Variants in KAZN observed in about 807,000 individuals in gnomAD.
KAZN encodes the protein kazrin.
A neutral mutation model predicts 87.4 loss-of-function variants in KAZN; 40 were observed. That is an observed-to-expected ratio of 0.46 (90% CI 0.36 to 0.60). The LOEUF is 0.60. Ranked by LOEUF, KAZN falls within the 20% of genes least tolerant of loss-of-function variation. KAZN has a pLI of 0.00. For synonymous variants in KAZN, 466 were observed against 458.3 expected, an observed-to-expected ratio of 1.02 and a Z score of -0.22; for missense variants, 898 against 1,073.9, an observed-to-expected ratio of 0.84 and a Z score of 2.29.
intron 1 of KAZN, among the ~76,000 whole-genome samples, chr1:14,652,734 A>C (rs1466987554): frequency 7.7e-6 from 1 of 129,058 alleles, no homozygotes; most frequent in Non-Finnish European, 1.6e-5. Context: ...CCCATCCGTT[A>C]ATCCATCCAT....
At chr1:14,202,235 C>T (rs556391516) in intron 2 of KAZN, among the ~76,000 whole-genome samples, 1 of 152,318 alleles carries the variant, frequency 6.6e-6, no homozygotes, top group Admixed American at 6.5e-5. Context: ...CACTATGTCC[C>T]TGGCTCTTCC....
At chr1:14,749,478 G>A (rs1292181264) in intron 1 of KAZN, among the ~76,000 whole-genome samples, 2 of 152,178 alleles carry the variant, frequency 1.3e-5, no homozygotes, top group Admixed American at 6.5e-5. Context: ...TCAGGAGAGG[G>A]CTTCAGTTCC....
chr1:14,492,743 ACAC>A (rs1208373770), intron 2 of KAZN, among the ~76,000 whole-genome samples: 1 of 138,354 alleles, frequency 7.2e-6, no homozygotes, highest in Non-Finnish European at 1.6e-5. Flanking sequence ...TACAGCACAC[ACAC>A]CACATGTGCA....
chr1:14,376,913 T>A (rs1349059680), intron 2 of KAZN, among the ~76,000 whole-genome samples: 1 of 152,234 alleles, frequency 6.6e-6, no homozygotes, highest in Non-Finnish European at 1.5e-5. Context: ...TATGTTTTTG[T>A]TTGCAAAGCA....
chr1:14,341,710 C>T (rs973781895), intron 2 of KAZN, among the ~76,000 whole-genome samples: 1 of 152,180 alleles, frequency 6.6e-6, no homozygotes, highest in Non-Finnish European at 1.5e-5. Flanking sequence ...GGGTTCCAAT[C>T]TGCCCACTTC....
intron 1 of KAZN, among the ~76,000 whole-genome samples, chr1:14,666,228 A>T (rs917146791): frequency 3.3e-5 from 5 of 151,938 alleles, no homozygotes; most frequent in Admixed American, 2.6e-4. Context: ...TATAGAAGTG[A>T]TTGAATATGG....
intron 1 of KAZN, among the ~76,000 whole-genome samples, chr1:14,833,577 C>CA (rs1647117758): frequency 6.6e-6 from 1 of 152,206 alleles, no homozygotes; most frequent in Non-Finnish European, 1.5e-5. Flanking sequence ...CTCTACCCCC[C>CA]CCAGGCCCTC....
intron 1 of KAZN, among the ~76,000 whole-genome samples, chr1:14,718,198 G>T (rs1642908476): frequency 6.6e-6 from 1 of 152,212 alleles, no homozygotes; most frequent in Admixed American, 6.5e-5. Context: ...ACTTCAAATG[G>T]TTGATTCTGT....
At chr1:14,082,465 G>A (rs141734860) in intron 1 of KAZN, among the ~76,000 whole-genome samples, 1 of 152,076 alleles carries the variant, frequency 6.6e-6, no homozygotes, top group Non-Finnish European at 1.5e-5. Context: ...GTAGATTTCT[G>A]AGCCTGCCTT....
At chr1:15,110,689 A>C (rs892068377) in intron 13 of KAZN, among the ~76,000 whole-genome samples, 1 of 152,228 alleles carries the variant, frequency 6.6e-6, no homozygotes, top group African/African-American at 2.4e-5. Context: ...GCTGACGTGG[A>C]GCCCACACGT....
chr1:14,606,695 C>T (rs1484483179), intron 1 of KAZN, among the ~76,000 whole-genome samples: 1 of 152,128 alleles, frequency 6.6e-6, no homozygotes, highest in Non-Finnish European at 1.5e-5. Context: ...TAACCTCAAA[C>T]AGATACCTTC....
chr1:14,897,531 ATATT>A (rs539469290), intron 1 of KAZN, among the ~76,000 whole-genome samples: 268 of 152,336 alleles, frequency 1.8e-3, no homozygotes, highest in African/African-American at 6.2e-3. Context: ...AAAAGATTAA[ATATT>A]TATTCATCTT....
In KAZN at chr1:14,184,442, T is replaced by C. The variant is rs1646262499; in HGVS notation, c.249+3850T>C. On this transcript the variant is annotated intron_variant, in intron 2 of 16. Transcript: ENST00000636203. This position sits in a 1 kb window ranked among gnomAD's most constrained non-coding sequence, Gnocchi z 4.2. The stretch of plus-strand genomic sequence containing the variant: ...TTCTTTCCTTGTCTGTCTTTCTTTC[T>C]GTTATTTGTGTTCGGGGAACTGGAA... Among the ~76,000 whole-genome samples the C allele has an allele frequency of 6.6e-6, 1 of 152,140 alleles. No individual in the cohort carries two copies. Among genetic ancestry groups the C allele is most frequent in the South Asian group, 2.1e-4 (1 of 4,828 alleles).
rs1353312133 is a variant in KAZN at position 14,514,363 on chromosome 1, ATTT to A, written c.250-84619_250-84617del. ...ATATATTTATATATATTATATATAT[ATTT>A]ATATATATAATATATATATATTATA... On this transcript the variant is annotated intron_variant, in intron 2 of 16. Transcript: ENST00000636203. Among the ~76,000 whole-genome samples the A allele has an allele frequency of 2.6e-4, 5 of 18,988 alleles. 2 individuals are homozygous for A. The highest frequency in any genetic ancestry group is 9.7e-4 in the African/African-American group (4 of 4,110). 12.5% of individuals were successfully genotyped at this position (18,988 alleles called of 152,430 possible).
In KAZN at chr1:14,022,511, A is replaced by G. The variant is rs1256851837; in HGVS notation, c.91+128755A>G. Among the ~76,000 whole-genome samples, 34 of 145,326 alleles carry G rather than the reference A, an allele frequency of 2.3e-4. 1 individual carries two copies. Among genetic ancestry groups the G allele is most frequent in the South Asian group, 4.5e-4 (2 of 4,478 alleles). On this transcript the variant is annotated intron_variant, in intron 1 of 16. Transcript: ENST00000636203. ...AAAAAAAAAAAAAAAAAAAAAAAAA[A>G]AAAGAAAAAAAGAAAAAAGAAATAA...
intron 1 of KAZN, among the ~76,000 whole-genome samples, chr1:14,089,028 G>T (rs1643914506): frequency 6.8e-6 from 1 of 147,952 alleles, no homozygotes; most frequent in Admixed American, 6.7e-5. Flanking sequence ...TTATTTTTTA[G>T]GGCAATTTTA....
chr1:14,970,722 G>A (rs563560950), intron 2 of KAZN, among the ~76,000 whole-genome samples: 1 of 152,262 alleles, frequency 6.6e-6, no homozygotes, highest in South Asian at 2.1e-4. Context: ...GATGTCTTAA[G>A]GTTCTAATTA....
In KAZN at chr1:15,009,308, C is replaced by T. The variant is rs182899359; in HGVS notation, c.419-25441C>T. Among the ~76,000 whole-genome samples, 852 of 152,300 alleles carry T rather than the reference C, an allele frequency of 5.6e-3. 12 individuals are homozygous for T. The highest frequency in any genetic ancestry group is 0.019 in the African/African-American group (804 of 41,572). ...CATTCCCCTCCCGCACCCAGAATCC[C>T]GACAGAAGAGAGGGAGGGCGCCATG... On this transcript the variant is annotated intron_variant, in intron 2 of 14. Coordinates refer to ENST00000376030, the MANE Select transcript of KAZN (RefSeq NM_201628.3).
intron 2 of KAZN, among the ~76,000 whole-genome samples, chr1:14,366,437 T>A (rs7537728): frequency 0.82 from 124,155 of 152,234 alleles, 51,349 homozygotes; most frequent in Middle Eastern, 0.87. Context: ...TCAAGAAAAG[T>A]ATCATAGCTG....
Sources: allele counts gnomAD v4.1 joint callset (sites outside exome capture counted in the v4.1 genomes callset), GRCh38; gene constraint gnomAD v4.1.1; non-coding constraint Gnocchi (gnomAD v3.1); transcripts MANE v1.5; gene names NCBI Gene and HGNC (gene_info 2026-07-23, HGNC 2026-07-21).